The following CACNG7 variants were observed in gnomAD, a reference collection of about 807,000 sequenced individuals.
The protein encoded by CACNG7 is voltage-dependent calcium channel gamma-7 subunit.
A neutral mutation model predicts 26.3 loss-of-function variants in CACNG7; 9 were observed. The ratio of observed to expected loss-of-function variants is 0.34; its 90% confidence interval spans 0.21 to 0.60. The LOEUF (loss-of-function observed/expected upper bound fraction) is 0.60, where lower values mean the gene tolerates loss of function less well. Among genes scored for constraint, CACNG7 ranks in the 20% least tolerant of loss-of-function variants. The pLI is 0.81. For synonymous variants in CACNG7, 170 were observed against 157.0 expected (o/e 1.08, Z -0.62); for missense variants, 297 against 380.4 (o/e 0.78, Z 1.82).
chr19:53,919,022 G>T (rs892184353), intron 4 of CACNG7, among the ~76,000 whole-genome samples: 1 of 152,146 alleles, frequency 6.6e-6, no homozygotes, highest in Non-Finnish European at 1.5e-5. Context: ...CGCCCGCCTC[G>T]GCCTCCCGAA....
intron 2 of CACNG7, 39 bp downstream of exon 2, chr19:53,913,066 CT>C: frequency 6.4e-7 from 1 of 1,572,928 alleles, no homozygotes; most frequent in South Asian, 1.1e-5. Flanking sequence ...CAGTTTCTGC[CT>C]TGCCTGGGGT....
rs1254249013 is a variant in CACNG7 at position 53,912,763 on chromosome 19, C to T, written c.-29-40C>T. ...GCTGCATGGGGTCAAGCACTCTGGT[C>T]GGTCCCATGGAGCTCTGCACTGTAG... On this transcript the variant is annotated intron_variant, in intron 1 of 5. Coordinates refer to ENST00000391767, the MANE Select transcript of CACNG7 (RefSeq NM_031896.5). This position sits in a 1 kb window ranked among gnomAD's most constrained non-coding sequence, Gnocchi z 4.6. The T allele has an allele frequency of 2.0e-6, 3 of 1,523,534 alleles. No individual in the cohort carries two copies. The highest frequency in any genetic ancestry group is 2.7e-6 in the Non-Finnish European group (3 of 1,112,126). 94.4% of individuals were successfully genotyped at this position (1,523,534 alleles called of 1,614,324 possible).
Position 53,912,190 on chromosome 19 carries a change from T to G in CACNG7, c.-29-613T>G, listed in dbSNP as rs1036336478. Among the ~76,000 whole-genome samples, 12 of 151,856 alleles carry G rather than the reference T, an allele frequency of 7.9e-5. No individual in the cohort carries two copies. The highest frequency in any genetic ancestry group is 1.9e-4 in the African/African-American group (8 of 41,304). ...TCTAGGTCCTGGCTCAGAGTTGAGG[T>G]TATTGATCCTTGTTGGAGTCTGGTG... On this transcript the variant is annotated intron_variant, in intron 1 of 5. Transcript: ENST00000391767. This position sits in a 1 kb window ranked among gnomAD's most constrained non-coding sequence, Gnocchi z 4.6.
intron 4 of CACNG7, among the ~76,000 whole-genome samples, chr19:53,933,644 A>C (rs901115822): frequency 6.6e-6 from 1 of 151,614 alleles, no homozygotes; most frequent in African/African-American, 2.4e-5. Context: ...AAAGAAGCTT[A>C]GATGGATGCA....
At chr19:53,921,846 G>C (rs1361732706) in intron 4 of CACNG7, among the ~76,000 whole-genome samples, 1 of 83,090 alleles carries the variant, frequency 1.2e-5, no homozygotes, top group African/African-American at 9.8e-5. Flanking sequence ...CATTGGTGGA[G>C]TTGTCCCAGG....
intron 4 of CACNG7, among the ~76,000 whole-genome samples, chr19:53,925,367 A>T (rs2069019453): frequency 7.1e-6 from 1 of 140,188 alleles, no homozygotes; most frequent in African/African-American, 2.7e-5. Context: ...GTATTGGTGG[A>T]GTTGCCCCAG....
chr19:53,913,111 T>C (rs905959645), intron 2 of CACNG7, 84 bp downstream of exon 2: 4 of 1,265,680 alleles, frequency 3.2e-6, no homozygotes, highest in Non-Finnish European at 3.3e-6. Flanking sequence ...ATCCCTTGAG[T>C]TCCAGAAATC....
At chr19:53,938,386 A>G (rs893464528) in intron 4 of CACNG7, among the ~76,000 whole-genome samples, 5 of 152,222 alleles carry the variant, frequency 3.3e-5, no homozygotes, top group African/African-American at 1.2e-4. Context: ...TGGTCTAAGA[A>G]AAAGAAACAA....
At chr19:53,928,265 T>G (rs1370297959) in intron 4 of CACNG7, among the ~76,000 whole-genome samples, 2 of 133,172 alleles carry the variant, frequency 1.5e-5, no homozygotes, top group African/African-American at 7.8e-5. Context: ...AGATTGGTAT[T>G]TATTTATTTA....
intron 4 of CACNG7, among the ~76,000 whole-genome samples, chr19:53,919,848 C>T (rs1206687518): frequency 1.4e-5 from 2 of 143,676 alleles, no homozygotes; most frequent in South Asian, 2.2e-4. Context: ...TGGAGTTGCC[C>T]CAGGCTGGTC....
chr19:53,930,142 C>T (rs2069061378), intron 4 of CACNG7, among the ~76,000 whole-genome samples: 1 of 150,524 alleles, frequency 6.6e-6, no homozygotes, highest in African/African-American at 2.4e-5. Context: ...TTATCCCACC[C>T]ACCTGAATAA....
chr19:53,923,961 T>TCTGGTATTGGTGGAGTTGTCCCCAGGC, intron 4 of CACNG7, among the ~76,000 whole-genome samples: 1 of 123,926 alleles, frequency 8.1e-6, no homozygotes, highest in East Asian at 2.7e-4. Flanking sequence ...TGTCCCCAGG[T>TCTGGTATTGGTGGAGTTGTCCCCAGGC]CTGGTATTGG....
intron 4 of CACNG7, among the ~76,000 whole-genome samples, chr19:53,924,984 G>C (rs1362366276): frequency 7.2e-6 from 1 of 138,096 alleles, no homozygotes; most frequent in Non-Finnish European, 1.5e-5. Flanking sequence ...CCGAGGTCTG[G>C]TATTGGTGGA....
chr19:53,929,463 T>G (rs924438262), intron 4 of CACNG7, among the ~76,000 whole-genome samples: 3 of 152,180 alleles, frequency 2.0e-5, no homozygotes, highest in African/African-American at 7.2e-5. Flanking sequence ...TTTTTGTATT[T>G]TTTAATTTTT....
chr19:53,923,525 C>G (rs2068985995), intron 4 of CACNG7, among the ~76,000 whole-genome samples: 1 of 132,842 alleles, frequency 7.5e-6, no homozygotes, highest in African/African-American at 2.9e-5. Flanking sequence ...GGAGTTGCCC[C>G]AGGTCTGGTC....
intron 4 of CACNG7, among the ~76,000 whole-genome samples, chr19:53,930,398 A>C (rs1599993579): frequency 6.6e-6 from 1 of 151,910 alleles, no homozygotes; most frequent in African/African-American, 2.4e-5. Context: ...TTTGAGACGG[A>C]GTCTCACTCT....
intron 1 of CACNG7, among the ~76,000 whole-genome samples, chr19:53,910,731 G>T (rs1402544364): frequency 6.6e-6 from 1 of 152,126 alleles, no homozygotes. Flanking sequence ...GGGTTGAGGA[G>T]CTCCCTCGCT....
intron 4 of CACNG7, among the ~76,000 whole-genome samples, chr19:53,922,105 TC>T (rs1426974123): frequency 9.3e-6 from 1 of 107,216 alleles, no homozygotes; most frequent in Non-Finnish European, 1.8e-5. Context: ...CCAGGCCTGG[TC>T]ATTGGTGGAG....
At chr19:53,923,474 G>C (rs572784754) in intron 4 of CACNG7, among the ~76,000 whole-genome samples, 1,996 of 131,306 alleles carry the variant, frequency 0.015, 102 homozygotes, top group African/African-American at 0.058. Context: ...AGTTGTCCCA[G>C]GTCTGGTCAT....
Sources: gnomAD v4.1 joint callset for allele counts (sites outside exome capture counted in the v4.1 genomes callset) on GRCh38, gnomAD v4.1.1 for gene constraint, Gnocchi (gnomAD v3.1) non-coding constraint, MANE v1.5 for transcripts, NCBI Gene and HGNC (gene_info 2026-07-23, HGNC 2026-07-21) for gene names.